SLC30A9: variants seen among roughly 807,000 people sequenced by gnomAD.
SLC30A9 encodes the protein solute carrier family 30 member 9.
In SLC30A9, 58 loss-of-function variants were observed where a neutral mutation model predicts 87.5. The ratio of observed to expected loss-of-function variants is 0.66; its 90% confidence interval spans 0.54 to 0.82. The LOEUF is 0.82. Among genes scored for constraint, SLC30A9 ranks in the 40% least tolerant of loss-of-function variants. The probability of loss-of-function intolerance (pLI) is 0.00; values close to 1 mark genes in which losing one functional copy is unlikely to be tolerated. For synonymous variants in SLC30A9, 234 were observed against 233.0 expected, an observed-to-expected ratio of 1.00 and a Z score of -0.04; for missense variants, 557 against 679.1, an observed-to-expected ratio of 0.82 and a Z score of 2.00.
At chr4:42,045,100 G>C (rs1717091629) in intron 8 of SLC30A9, among the ~76,000 whole-genome samples, 1 of 152,110 alleles carries the variant, frequency 6.6e-6, no homozygotes, top group African/African-American at 2.4e-5. Context: ...ATACCCACAG[G>C]AGAAAGTCGG....
At chr4:42,024,641 T>C (rs1369098078) in intron 6 of SLC30A9, among the ~76,000 whole-genome samples, 2 of 152,210 alleles carry the variant, frequency 1.3e-5, no homozygotes, top group Non-Finnish European at 2.9e-5. Flanking sequence ...AAAGAATTAC[T>C]CTCTGAAGGA....
At chr4:42,040,940 G>A (rs1716898718) in intron 8 of SLC30A9, among the ~76,000 whole-genome samples, 1 of 152,110 alleles carries the variant, frequency 6.6e-6, no homozygotes, top group Non-Finnish European at 1.5e-5. Context: ...CCCAAGACTG[G>A]GCAATTTACA....
At chr4:42,063,258 A>G (rs926723131) in intron 11 of SLC30A9, 137 bp downstream of exon 11, 6 of 595,038 alleles carry the variant, frequency 1.0e-5, no homozygotes, top group Non-Finnish European at 1.6e-5. Context: ...TTATATATCT[A>G]TAGTTTAATT....
At chr4:42,057,051 A>G (rs13434423) in intron 9 of SLC30A9, among the ~76,000 whole-genome samples, 99,324 of 152,094 alleles carry the variant, frequency 0.65, 36,922 homozygotes, top group East Asian at 0.96. Flanking sequence ...GCCATGGGCA[A>G]CTCCACCTCT....
chr4:42,000,486 A>G (rs2153132806), intron 1 of SLC30A9, among the ~76,000 whole-genome samples: 1 of 152,198 alleles, frequency 6.6e-6, no homozygotes, highest in South Asian at 2.1e-4. Context: ...ACAAATGACC[A>G]AAAACATTAT....
At chr4:42,017,991 A>G (rs529729780) in intron 2 of SLC30A9, 120 bp from the exon 3 acceptor site, 1 of 601,792 alleles carries the variant, frequency 1.7e-6, no homozygotes, top group Non-Finnish European at 3.0e-6. Context: ...GATGAATCCA[A>G]CATGGTCTGA....
intron 11 of SLC30A9, 70 bp from the exon 12 acceptor site, chr4:42,065,240 G>A (rs1718033152): frequency 6.0e-6 from 5 of 826,756 alleles, no homozygotes; most frequent in Admixed American, 1.8e-5. Context: ...TAGACATTAC[G>A]GACTTTATAT....
At chr4:42,062,040 C>G (rs560977790) in intron 10 of SLC30A9, among the ~76,000 whole-genome samples, 36 of 150,796 alleles carry the variant, frequency 2.4e-4, no homozygotes, top group Non-Finnish European at 4.6e-4. Context: ...ACTAAAAATA[C>G]AAAATTAGCT....
intron 17 of SLC30A9, among the ~76,000 whole-genome samples, chr4:42,081,414 G>GT (rs553053600): frequency 3.2e-4 from 49 of 152,200 alleles, no homozygotes; most frequent in Non-Finnish European, 6.3e-4. Flanking sequence ...ACCCACCATT[G>GT]TTTTTATGCC....
chr4:42,076,344 C>T (rs1446356879), intron 16 of SLC30A9, among the ~76,000 whole-genome samples: 1 of 152,162 alleles, frequency 6.6e-6, no homozygotes, highest in East Asian at 1.9e-4. Context: ...CCCATTTTCT[C>T]TTTCTATATC....
chr4:42,075,826 G>C, intron 16 of SLC30A9, 40 bp downstream of exon 16: 2 of 1,579,338 alleles, frequency 1.3e-6, no homozygotes, highest in Non-Finnish European at 1.7e-6. Context: ...CTGAGGGTTA[G>C]AAAAATGCTT....
At chr4:42,060,166 C>G in intron 9 of SLC30A9, 25 bp from the exon 10 acceptor site, 1 of 1,585,682 alleles carries the variant, frequency 6.3e-7, no homozygotes, top group Non-Finnish European at 8.7e-7. Context: ...AATGATTATT[C>G]ACCTTTTTTT....
At chr4:41,992,392 C>G (rs748127518) in intron 1 of SLC30A9, among the ~76,000 whole-genome samples, 2 of 151,748 alleles carry the variant, frequency 1.3e-5, no homozygotes, top group Non-Finnish European at 2.9e-5. Context: ...TTATACTGTA[C>G]TCCAGAATCC....
Position 41,990,682 on chromosome 4 carries a change from C to T in SLC30A9, c.31C>T (p.His11Tyr), listed in dbSNP as rs542568888. The T allele has an allele frequency of 5.0e-6, 8 of 1,609,984 alleles. No homozygotes were observed. In the East Asian group the frequency reaches 1.1e-4, roughly 22 times the overall value. ...ACCCGGCTTGGCCGCCGCCGCGGCCCACAGATGTAGCTGGTCCTCCCTGTG... is the reference window on the plus strand; with the variant it reads ...ACCCGGCTTGGCCGCCGCCGCGGCCTACAGATGTAGCTGGTCCTCCCTGTG... MLPGLAAAAA[H>Y]RCSWSSLCRL... Residue 11 changes from histidine to tyrosine, a missense_variant, in exon 1 of 18, where the codon CAC becomes TAC. Around this residue, in one of 2 missense-constraint regions of SLC30A9, gnomAD observed 467 missense variants for 529.8 expected, o/e 0.88. Transcript: ENST00000264451.
chr4:42,069,507 G>GT (rs1718219511), intron 14 of SLC30A9, among the ~76,000 whole-genome samples: 1 of 152,128 alleles, frequency 6.6e-6, no homozygotes, highest in Non-Finnish European at 1.5e-5. Flanking sequence ...AATGGATAAT[G>GT]TTTTACAAGC....
intron 17 of SLC30A9, among the ~76,000 whole-genome samples, chr4:42,082,164 C>T (rs1718762560): frequency 6.6e-6 from 1 of 151,722 alleles, no homozygotes; most frequent in South Asian, 2.1e-4. Context: ...TTGCAGTGAG[C>T]CGAGTTCGAG....
In SLC30A9 at chr4:42,067,110, AAAT is replaced by A; in HGVS notation, c.1171_1173del (p.Asn391del). The A allele has an allele frequency of 3.1e-6, 5 of 1,612,404 alleles. No individual in the cohort carries two copies. Among genetic ancestry groups the A allele is most frequent in the Non-Finnish European group, 4.2e-6 (5 of 1,178,684 alleles). On this transcript the variant is annotated inframe_deletion, in exon 14 of 18. Coordinates refer to ENST00000264451, the MANE Select transcript of SLC30A9 (RefSeq NM_006345.4). ...TAATGGAAAGTCGTGATCCTAGTACAAATGTGATATTATTGGAGGATACTGCTG... is the reference window on the plus strand; with the variant it reads ...TAATGGAAAGTCGTGATCCTAGTACAGTGATATTATTGGAGGATACTGCTG...
intron 2 of SLC30A9, among the ~76,000 whole-genome samples, chr4:42,008,318 C>A (rs1281382482): frequency 6.6e-6 from 1 of 152,116 alleles, no homozygotes; most frequent in Non-Finnish European, 1.5e-5. Flanking sequence ...TTAATACTAC[C>A]CTAATTTAAT....
At chr4:42,080,441 A>G (rs1273965208) in intron 17 of SLC30A9, among the ~76,000 whole-genome samples, 1 of 152,242 alleles carries the variant, frequency 6.6e-6, no homozygotes, top group African/African-American at 2.4e-5. Flanking sequence ...ATGAAGTTTC[A>G]GTTGTCTTTT....
Sources: allele counts gnomAD v4.1 joint callset (sites outside exome capture counted in the v4.1 genomes callset), GRCh38; gene constraint gnomAD v4.1.1; regional missense constraint gnomAD v4.1.1; transcripts MANE v1.5; gene names NCBI Gene and HGNC (gene_info 2026-07-23, HGNC 2026-07-21).